The following MCRS1 variants were observed in gnomAD, a reference collection of about 807,000 sequenced individuals.
MCRS1 encodes 58 kDa microspherule protein.
In MCRS1, 22 loss-of-function variants were observed where a neutral mutation model predicts 62.9. The observed-to-expected ratio is 0.35, with a 90% CI of 0.25 to 0.50. MCRS1 has a LOEUF of 0.50. Among genes scored for constraint, MCRS1 ranks in the 20% least tolerant of loss-of-function variants. The pLI is 0.98. For missense variants in MCRS1, 456 were observed against 601.1 expected, an observed-to-expected ratio of 0.76 and a Z score of 2.52; for synonymous variants, 244 against 233.5, an observed-to-expected ratio of 1.04 and a Z score of -0.41.
intron 8 of MCRS1, among the ~76,000 whole-genome samples, chr12:49,562,714 T>C (rs1458211189): frequency 2.6e-5 from 4 of 152,186 alleles, no homozygotes; most frequent in Admixed American, 6.5e-5. Flanking sequence ...GAATAAAATA[T>C]GTCATGAAAA....
intron 8 of MCRS1, among the ~76,000 whole-genome samples, chr12:49,562,197 T>C (rs1381034965): frequency 1.3e-5 from 2 of 152,222 alleles, no homozygotes; most frequent in African/African-American, 4.8e-5. Context: ...AGTAAGGTGA[T>C]GGGTACCAAT....
chr12:49,566,596 G>T, intron 2 of MCRS1, 126 bp downstream of exon 2: 1 of 1,499,880 alleles, frequency 6.7e-7, no homozygotes, highest in Non-Finnish European at 9.1e-7. Flanking sequence ...GTACATGGGT[G>T]GTGCTGGCCC....
chr12:49,564,008 G>A (rs1181269249), intron 6 of MCRS1, among the ~76,000 whole-genome samples: 1 of 152,246 alleles, frequency 6.6e-6, no homozygotes, highest in African/African-American at 2.4e-5. Flanking sequence ...AGTGACAGAG[G>A]AAGAGGAACT....
chr12:49,565,504 T>C, intron 4 of MCRS1, 25 bp downstream of exon 4: 2 of 1,556,630 alleles, frequency 1.3e-6, no homozygotes, highest in Non-Finnish European at 1.7e-6. Flanking sequence ...CTACCTCCCA[T>C]CCCCTAAGTC....
At chr12:49,560,158 G>T in intron 9 of MCRS1, 137 bp downstream of exon 9, 1 of 1,188,156 alleles carries the variant, frequency 8.4e-7, no homozygotes, top group Non-Finnish European at 1.2e-6. Flanking sequence ...AGGCCCCAGT[G>T]GGAGGGGAGG....
At chr12:49,560,036 C>T in intron 9 of MCRS1, 69 bp from the exon 10 acceptor site, 1 of 1,595,082 alleles carries the variant, frequency 6.3e-7, no homozygotes. Flanking sequence ...CTCATTAGGG[C>T]ATCCCTGAGC....
chr12:49,560,493 G>C (rs1035346073), intron 8 of MCRS1, 123 bp from the exon 9 acceptor site: 3 of 837,134 alleles, frequency 3.6e-6, no homozygotes, highest in East Asian at 2.5e-5. Flanking sequence ...CACCAGCAAG[G>C]GTGCCCATAC....
chr12:49,560,456 G>A, intron 8 of MCRS1, 86 bp from the exon 9 acceptor site: 2 of 1,224,922 alleles, frequency 1.6e-6, no homozygotes, highest in Non-Finnish European at 2.4e-6. Context: ...TGGACCAGCT[G>A]CAGACTGCGC....
At chr12:49,566,866 T>TCAGG in intron 1 of MCRS1, 25 bp from the exon 2 acceptor site, 8 of 1,220,776 alleles carry the variant, frequency 6.6e-6, no homozygotes, top group Non-Finnish European at 9.3e-6. Context: ...TGAGGCTCCC[T>TCAGG]GAGGCTCAGA....
intron 8 of MCRS1, among the ~76,000 whole-genome samples, chr12:49,562,535 A>G (rs889782171): frequency 3.9e-5 from 6 of 152,222 alleles, no homozygotes; most frequent in Non-Finnish European, 8.8e-5. Flanking sequence ...GAAGAGGAAG[A>G]AGGAAGACAG....
At chr12:49,565,173 G>A (rs1429100335) in intron 4 of MCRS1, 7 of 985,300 alleles carry the variant, frequency 7.1e-6, no homozygotes, top group African/African-American at 1.7e-5. Context: ...GGAGGATACC[G>A]GGAAATCACT....
At position 49,558,950 on chromosome 12, in the gene MCRS1, TG is replaced by T; in HGVS notation, c.1194del (p.Asn398LysfsTer87). ...TCATTGGCAATGAAGAAATCACCGT[TG>T]TTCTTCAGCTTGATGACACCTGTGG... ...SRKQGVIKLK[N>X]NGDFFIANEG... On this transcript the variant is annotated frameshift_variant, in exon 14 of 15. Transcript: ENST00000343810. LOFTEE classifies it high-confidence loss of function. 6.2e-7 allele frequency: 1 copy of T among 1,612,258 alleles called. No individual in the cohort carries two copies. The highest frequency in any genetic ancestry group is 8.5e-7 in the Non-Finnish European group (1 of 1,179,970).
intron 7 of MCRS1, 50 bp from the exon 8 acceptor site, chr12:49,563,189 C>T (rs199775699): frequency 8.4e-7 from 1 of 1,194,778 alleles, no homozygotes; most frequent in Admixed American, 2.5e-5. Flanking sequence ...TCACACATGC[C>T]TCTCTGCCTT....
At position 49,559,154 on chromosome 12, in the gene MCRS1, C is replaced by A. The variant is rs1044523650; in HGVS notation, c.1174+60G>T. On this transcript the variant is annotated intron_variant, in intron 13 of 14. Transcript: ENST00000343810. This position sits in a 1 kb window ranked among gnomAD's most constrained non-coding sequence, Gnocchi z 5.2. The stretch of plus-strand genomic sequence containing the variant: ...CCAAGCCCAGGGCTAGAAAGGACAG[C>A]GAGAGGCTGGGAGGGACGACCTCAC... 6.4e-6 allele frequency: 10 copies of A among 1,573,058 alleles called. No individual in the cohort carries two copies. Among genetic ancestry groups the A allele is most frequent in the Admixed American group, 3.4e-5 (2 of 58,840 alleles).
At chr12:49,565,975 G>T in intron 3 of MCRS1, 102 bp downstream of exon 3, 1 of 1,483,512 alleles carries the variant, frequency 6.7e-7, no homozygotes, top group Non-Finnish European at 9.1e-7. Context: ...AGGCCCCAGA[G>T]GGGCTCAGGC....
In MCRS1 at chr12:49,564,827, C is replaced by A; in HGVS notation, c.357G>T (p.Val119=). The stretch of plus-strand genomic sequence containing the variant: ...CCTGAAGTGGCTGTTTACTCTTCTT[C>A]ACACGCTTGGTGAGTCCAGGGGCTG... The part of the protein sequence containing the change: ...PAPAPGLTKR[V]KKSKQPLQVT... The change falls in exon 5 of 15, where the codon GTG becomes GTT. Residue 119 remains valine (V), a synonymous_variant. Transcript: ENST00000343810. 6.2e-7 allele frequency: 1 copy of A among 1,614,122 alleles called. No homozygotes were observed. Among genetic ancestry groups the A allele is most frequent in the Non-Finnish European group, 8.5e-7 (1 of 1,179,976 alleles).
intron 8 of MCRS1, among the ~76,000 whole-genome samples, chr12:49,560,697 C>T (rs1049764344): frequency 7.9e-5 from 12 of 152,188 alleles, no homozygotes; most frequent in Admixed American, 5.2e-4. Flanking sequence ...GATGAGGAAA[C>T]AGACACAGGA....
At position 49,564,555 on chromosome 12, in the gene MCRS1, T is replaced by C. The variant is rs1180310873; in HGVS notation, c.483A>G (p.Lys161=). The change falls in exon 6 of 15, where the codon AAA becomes AAG. Residue 161 remains lysine (K), a synonymous_variant. Transcript: ENST00000343810. ...CCCGAAGGGTGAAGCGGCAGCTGAATTTCACGCCCAGGTGGACGGAGGTCA... is the reference window on the plus strand; with the variant it reads ...CCCGAAGGGTGAAGCGGCAGCTGAACTTCACGCCCAGGTGGACGGAGGTCA... The part of the protein sequence containing the change: ...NDLTSVHLGV[K]FSCRFTLREV... 11 of 1,612,334 alleles carry C rather than the reference T, an allele frequency of 6.8e-6. No individual in the cohort carries two copies. The highest frequency in any genetic ancestry group is 9.3e-6 in the Non-Finnish European group (11 of 1,179,202).
chr12:49,565,388 G>C, intron 4 of MCRS1, 141 bp downstream of exon 4: 4 of 1,500,668 alleles, frequency 2.7e-6, no homozygotes, highest in South Asian at 2.7e-5. Flanking sequence ...GTTCCCAGGA[G>C]GGGGGCATCT....
Sources: gnomAD v4.1 joint callset for allele counts (sites outside exome capture counted in the v4.1 genomes callset) on GRCh38, gnomAD v4.1.1 for gene constraint, Gnocchi (gnomAD v3.1) non-coding constraint, MANE v1.5 for transcripts, NCBI Gene and HGNC (gene_info 2026-07-23, HGNC 2026-07-21) for gene names.